Variants in NHERF2 observed in about 807,000 individuals in gnomAD.
NHERF2 encodes the protein NHERF family PDZ scaffold protein 2.
At chr16:2,033,560 T>G in the NHERF2 span, 21 of 947,734 alleles carry the variant, frequency 2.2e-5, no homozygotes, top group Non-Finnish European at 3.2e-5. Flanking sequence ...TGAAGGCCTT[T>G]CTCTGCCAGG....
At chr16:2,034,077 A>G in the NHERF2 span, among the ~76,000 whole-genome samples, 1 of 152,046 alleles carries the variant, frequency 6.6e-6, no homozygotes, top group Non-Finnish European at 1.5e-5. Context: ...CACCCACCAG[A>G]TCCTGCTTCC....
chr16:2,028,371 G>A, the NHERF2 span, among the ~76,000 whole-genome samples: 2 of 152,152 alleles, frequency 1.3e-5, no homozygotes, highest in Non-Finnish European at 2.9e-5. Flanking sequence ...AGGGCTGCCA[G>A]GGCTGGGGCC....
At chr16:2,036,610 C>T in the NHERF2 span, 93 of 1,522,566 alleles carry the variant, frequency 6.1e-5, no homozygotes, top group East Asian at 7.0e-5. Context: ...TGAGCTGGTG[C>T]GCCTCCTGCT....
the NHERF2 span, among the ~76,000 whole-genome samples, chr16:2,031,525 G>T: frequency 6.6e-6 from 1 of 152,142 alleles, no homozygotes; most frequent in Non-Finnish European, 1.5e-5. Context: ...CCTTGCCTTG[G>T]GTGGGACCTT....
chr16:2,034,292 C>T, the NHERF2 span, among the ~76,000 whole-genome samples: 23 of 152,052 alleles, frequency 1.5e-4, no homozygotes, highest in Middle Eastern at 6.8e-3. Context: ...CTGAATTGGG[C>T]TCCTGTCCCC....
chr16:2,031,441 C>A, the NHERF2 span, among the ~76,000 whole-genome samples: 1 of 152,210 alleles, frequency 6.6e-6, no homozygotes, highest in Non-Finnish European at 1.5e-5. Flanking sequence ...GATTTGGACA[C>A]AAACGCATGG....
chr16:2,038,670 C>G, the NHERF2 span: 1 of 258,514 alleles, frequency 3.9e-6, no homozygotes, highest in Non-Finnish European at 7.4e-6. Flanking sequence ...TAGGCCACAC[C>G]CTGCTCCCCA....
At chr16:2,034,172 G>A in the NHERF2 span, among the ~76,000 whole-genome samples, 3 of 152,192 alleles carry the variant, frequency 2.0e-5, no homozygotes, top group South Asian at 2.1e-4. Context: ...GGGGCTGGCC[G>A]CATGTGTGGG....
At chr16:2,032,688 C>G in the NHERF2 span, 1 of 405,036 alleles carries the variant, frequency 2.5e-6, no homozygotes, top group Non-Finnish European at 3.3e-6. This position sits in a 1 kb window ranked among gnomAD's most constrained non-coding sequence, Gnocchi z 4.0. Flanking sequence ...TTTTGGGGGC[C>G]GTGAAGGCCT....
At chr16:2,026,976 C>G in the NHERF2 span, 5 of 991,906 alleles carry the variant, frequency 5.0e-6, no homozygotes, top group African/African-American at 8.8e-5. Context: ...CGCGCCCCTG[C>G]CCGCGGGCGG....
At chr16:2,034,390 T>C in the NHERF2 span, among the ~76,000 whole-genome samples, 1 of 64,390 alleles carries the variant, frequency 1.6e-5, no homozygotes, top group Non-Finnish European at 3.1e-5. Context: ...CTTCCCTCCG[T>C]CCCAGGCCAG....
chr16:2,033,522 T>C, the NHERF2 span: 1 of 1,337,512 alleles, frequency 7.5e-7, no homozygotes, highest in Non-Finnish European at 1.0e-6. Flanking sequence ...GGGACCTTGA[T>C]GTAAGCAGGC....
the NHERF2 span, among the ~76,000 whole-genome samples, chr16:2,031,028 G>A: frequency 6.6e-6 from 1 of 150,498 alleles, no homozygotes; most frequent in African/African-American, 2.4e-5. Context: ...AACCGCGCTT[G>A]GGGCAGGGGT....
At chr16:2,029,872 C>A in the NHERF2 span, 1 of 1,199,464 alleles carries the variant, frequency 8.3e-7, no homozygotes, top group Non-Finnish European at 1.2e-6. Flanking sequence ...TGGTCACCTC[C>A]AGAAGTCTTG....
At chr16:2,032,590 G>C in the NHERF2 span, among the ~76,000 whole-genome samples, 1 of 152,218 alleles carries the variant, frequency 6.6e-6, no homozygotes, top group Admixed American at 6.5e-5. This position sits in a 1 kb window ranked among gnomAD's most constrained non-coding sequence, Gnocchi z 4.0. Context: ...GTGCCCCCTG[G>C]GAGCTAAGGG....
chr16:2,031,988 G>A, the NHERF2 span, among the ~76,000 whole-genome samples: 8 of 151,656 alleles, frequency 5.3e-5, no homozygotes, highest in African/African-American at 1.9e-4. Context: ...CACTGTACCC[G>A]GCCCCTGAGG....
the NHERF2 span, chr16:2,038,593 A>G: frequency 3.2e-6 from 1 of 310,936 alleles, no homozygotes; most frequent in Non-Finnish European, 6.1e-6. Flanking sequence ...GACCTTGGGT[A>G]AGGCCAGGGA....
chr16:2,032,862 CT>C, the NHERF2 span: 16 of 1,012,970 alleles, frequency 1.6e-5, no homozygotes, highest in Non-Finnish European at 1.9e-5. This position sits in a 1 kb window ranked among gnomAD's most constrained non-coding sequence, Gnocchi z 4.0. Flanking sequence ...CCTCTGCCCC[CT>C]GCCCCTAGCC....
At chr16:2,033,247 G>C in the NHERF2 span, 2 of 1,519,620 alleles carry the variant, frequency 1.3e-6, no homozygotes, top group Non-Finnish European at 1.8e-6. Context: ...CGGGGAGCCA[G>C]GGCCGCAGAG....
Sources: allele counts gnomAD v4.1 joint callset (sites outside exome capture counted in the v4.1 genomes callset), GRCh38; gene constraint gnomAD v4.1.1; non-coding constraint Gnocchi (gnomAD v3.1); transcripts MANE v1.5; gene names NCBI Gene and HGNC (gene_info 2026-07-23, HGNC 2026-07-21).